The following ZNF609 variants were observed in gnomAD, a reference collection of about 807,000 sequenced individuals.
ZNF609 encodes zinc finger protein 609.
Under a neutral mutation model 109.5 loss-of-function variants are expected in ZNF609, and 11 were observed. That is an observed-to-expected ratio of 0.10 (90% CI 0.06 to 0.17). The LOEUF (loss-of-function observed/expected upper bound fraction) is 0.17, where lower values mean the gene tolerates loss of function less well. Ranked by LOEUF, ZNF609 falls within the 10% of genes least tolerant of loss-of-function variation. The pLI, the probability that ZNF609 is intolerant of heterozygous loss-of-function variation, is 1.00. For missense variants in ZNF609, 1,559 were observed against 1,772.4 expected (o/e 0.88, Z 2.16); for synonymous variants, 646 against 662.0 (o/e 0.98, Z 0.37).
chr15:64,679,962 T>C (rs1896858837), intron 6 of ZNF609, among the ~76,000 whole-genome samples: 2 of 152,194 alleles, frequency 1.3e-5, no homozygotes, highest in South Asian at 4.1e-4. Context: ...TCTATGGAAG[T>C]TGGAAGCAGG....
At chr15:64,607,140 A>G (rs1895615101) in intron 2 of ZNF609, among the ~76,000 whole-genome samples, 1 of 149,368 alleles carries the variant, frequency 6.7e-6, no homozygotes, top group Non-Finnish European at 1.5e-5. Flanking sequence ...GTGACACTCC[A>G]TAAAAAAAAT....
intron 3 of ZNF609, among the ~76,000 whole-genome samples, chr15:64,663,234 C>T (rs914446279): frequency 6.6e-6 from 1 of 152,030 alleles, no homozygotes; most frequent in African/African-American, 2.4e-5. Flanking sequence ...GAGAAATGAT[C>T]AAAATCTGGA....
At chr15:64,620,250 A>G (rs1895857172) in intron 2 of ZNF609, among the ~76,000 whole-genome samples, 1 of 152,238 alleles carries the variant, frequency 6.6e-6, no homozygotes, top group Admixed American at 6.5e-5. Flanking sequence ...AAGTACACAT[A>G]TAGGCTGTGA....
chr15:64,605,396 T>C (rs1341851758), intron 2 of ZNF609, among the ~76,000 whole-genome samples: 2 of 152,092 alleles, frequency 1.3e-5, no homozygotes, highest in African/African-American at 4.8e-5. Flanking sequence ...CATAACTGTA[T>C]CTCCATGAAC....
At chr15:64,662,584 C>T (rs1896594778) in intron 3 of ZNF609, among the ~76,000 whole-genome samples, 1 of 152,162 alleles carries the variant, frequency 6.6e-6, no homozygotes, top group South Asian at 2.1e-4. Flanking sequence ...CTTGGCCTCC[C>T]AAAATGCTGA....
intron 1 of ZNF609, among the ~76,000 whole-genome samples, chr15:64,485,732 G>A (rs1893323186): frequency 6.6e-6 from 1 of 152,100 alleles, no homozygotes; most frequent in Non-Finnish European, 1.5e-5. Flanking sequence ...CCCAGGAGGT[G>A]GAAACCGTAG....
At position 64,675,870 on chromosome 15, in the gene ZNF609, G is replaced by A; in HGVS notation, c.3016G>A (p.Glu1006Lys). ...STNTAYRQQY[E>K]EQQKRQSLEQ... ...TAACACGGCTTACCGGCAGCAGTACGAAGAACAGCAGAAACGCCAGAGCTT... is the reference window on the plus strand; with the variant it reads ...TAACACGGCTTACCGGCAGCAGTACAAAGAACAGCAGAAACGCCAGAGCTT... The change falls in exon 5 of 10, where the codon GAA (glutamate) becomes AAA (lysine). Residue 1006 changes from glutamate to lysine, a missense_variant. This residue lies in a region of ZNF609 where 1,204 missense variants were observed against 1,314.1 expected (regional missense o/e 0.92). Transcript: ENST00000326648. 2 of 1,614,208 alleles carry A rather than the reference G, an allele frequency of 1.2e-6. No individual in the cohort carries two copies. Among genetic ancestry groups the A allele is most frequent in the South Asian group, 1.1e-5 (1 of 91,076 alleles).
chr15:64,603,404 T>C (rs1279360608), intron 2 of ZNF609, among the ~76,000 whole-genome samples: 2 of 151,780 alleles, frequency 1.3e-5, no homozygotes, highest in Non-Finnish European at 2.9e-5. Flanking sequence ...CAGAAGTAGC[T>C]GGGATTACAG....
At chr15:64,475,686 C>T (rs1893160104) in intron 1 of ZNF609, among the ~76,000 whole-genome samples, 1 of 152,094 alleles carries the variant, frequency 6.6e-6, no homozygotes, top group African/African-American at 2.4e-5. Context: ...CCACCGCGCC[C>T]AGCCCGCATG....
At chr15:64,554,226 T>A (rs1894537319) in intron 2 of ZNF609, among the ~76,000 whole-genome samples, 1 of 152,204 alleles carries the variant, frequency 6.6e-6, no homozygotes, top group Admixed American at 6.5e-5. Flanking sequence ...TAGATTTTCT[T>A]TTTCGGATTG....
At position 64,577,185 on chromosome 15, in the gene ZNF609, GTATA is replaced by G. The variant is rs1049933254; in HGVS notation, c.748-45637_748-45634del. Among the ~76,000 whole-genome samples, 15 of 121,980 alleles carry G rather than the reference GTATA, an allele frequency of 1.2e-4. 7 individuals carry two copies. Among genetic ancestry groups the G allele is most frequent in the Middle Eastern group, 0.013 (2 of 154 alleles). The allele number at this position is 121,980 out of a possible 152,430, so 80.0% of individuals were successfully genotyped here. A position where few individuals can be genotyped will look rare whatever the true frequency, so the allele number is the denominator to read the frequency against. On this transcript the variant is annotated intron_variant, in intron 2 of 9. Transcript: ENST00000326648. ...ATACACACAATATATACATATATGT[GTATA>G]TATACACACAAATACATATATATGT... is the stretch of plus-strand genomic sequence containing the variant.
intron 2 of ZNF609, among the ~76,000 whole-genome samples, chr15:64,545,699 C>T (rs1894347783): frequency 6.6e-6 from 1 of 152,180 alleles, no homozygotes; most frequent in African/African-American, 2.4e-5. Flanking sequence ...TGCAATCAAC[C>T]ACTAATCTTA....
Position 64,543,601 on chromosome 15 carries a change from G to T in ZNF609, c.747+43435G>T, listed in dbSNP as rs189576896. Among the ~76,000 whole-genome samples the T allele has an allele frequency of 2.0e-5, 3 of 151,840 alleles. No individual in the cohort carries two copies. In the East Asian group the frequency reaches 5.8e-4, roughly 29 times the overall value. ...GGGATTACAGGCGCCCTGCCACCAT[G>T]CCCGGCTAATTTTTGTATTGTTAGT... On this transcript the variant is annotated intron_variant, in intron 2 of 9. Coordinates refer to ENST00000326648, the MANE Select transcript of ZNF609 (RefSeq NM_015042.2).
In ZNF609 at chr15:64,680,754, G is replaced by C. The variant is rs765084594; in HGVS notation, c.4054G>C (p.Asp1352His). 1.2e-6 allele frequency: 2 copies of C among 1,613,562 alleles called. No homozygotes were observed. The highest frequency in any genetic ancestry group is 1.3e-5 in the African/African-American group (1 of 74,988). ...AGCAAGTGGGGGTGAACGGAGTGTTGACCGGCCCCGCACCTCTCCTTCCCA... is the reference window on the plus strand; with the variant it reads ...AGCAAGTGGGGGTGAACGGAGTGTTCACCGGCCCCGCACCTCTCCTTCCCA... ...GGASGGERSV[D>H]RPRTSPSQRL... is the part of the protein sequence containing the mutation. The change falls in exon 8 of 10, where the codon GAC becomes CAC. Residue 1352 changes from aspartate to histidine, a missense_variant. Asp to His is a moderately conservative substitution (Grantham distance 81). Coordinates refer to ENST00000326648, the MANE Select transcript of ZNF609 (RefSeq NM_015042.2).
At chr15:64,588,508 G>C (rs997371892) in intron 2 of ZNF609, among the ~76,000 whole-genome samples, 2 of 147,922 alleles carry the variant, frequency 1.4e-5, no homozygotes, top group African/African-American at 5.0e-5. Flanking sequence ...TTGTTTTCTT[G>C]TTTTTTGTTT....
intron 1 of ZNF609, among the ~76,000 whole-genome samples, chr15:64,483,253 G>A (rs1269014362): frequency 3.3e-5 from 5 of 152,048 alleles, no homozygotes; most frequent in South Asian, 2.1e-4. Flanking sequence ...GTGCCACCAC[G>A]CTCAGCTAAT....
chr15:64,518,169 G>A (rs1431468842), intron 2 of ZNF609, among the ~76,000 whole-genome samples: 1 of 152,162 alleles, frequency 6.6e-6, no homozygotes, highest in East Asian at 1.9e-4. Flanking sequence ...GGTATTGTGG[G>A]TGCACAGTGG....
At chr15:64,580,533 GTTCTTTTCTT>G (rs759320801) in intron 2 of ZNF609, among the ~76,000 whole-genome samples, 8 of 142,658 alleles carry the variant, frequency 5.6e-5, no homozygotes, top group African/African-American at 1.0e-4. Context: ...AACTCTCTCA[GTTCTTTTCTT>G]TTCTTTTCTT....
Position 64,622,871 on chromosome 15 carries a change from T to C in ZNF609, c.792T>C (p.Leu264=). The stretch of plus-strand genomic sequence containing the variant: ...CACCAGCAGTGCTGCCAATACACCT[T>C]TTGGTGCCAGTGGTCAACAATGACA... ...VSTPAVLPIH[L]LVPVVNNDIS... is the part of the protein sequence containing the mutation. Residue 264 remains leucine (L), a synonymous_variant, in exon 3 of 10, where the codon CTT becomes CTC. Coordinates refer to ENST00000326648, the MANE Select transcript of ZNF609 (RefSeq NM_015042.2). 1 of 1,614,254 alleles carries C rather than the reference T, an allele frequency of 6.2e-7. No individual in the cohort carries two copies.
Sources: gnomAD v4.1 joint callset for allele counts (sites outside exome capture counted in the v4.1 genomes callset) on GRCh38, gnomAD v4.1.1 for gene constraint, gnomAD v4.1.1 regional missense constraint, MANE v1.5 for transcripts, NCBI Gene and HGNC (gene_info 2026-07-23, HGNC 2026-07-21) for gene names.